Variants in SERGEF observed in about 807,000 individuals in gnomAD.
SERGEF encodes secretion regulating guanine nucleotide exchange factor, also known as secretion-regulating guanine nucleotide exchange factor.
Under a neutral mutation model 50.0 loss-of-function variants are expected in SERGEF, and 51 were observed. That is an observed-to-expected ratio of 1.02 (90% CI 0.81 to 1.29). The LOEUF (loss-of-function observed/expected upper bound fraction) is 1.29. SERGEF is among the 50% of genes most tolerant of loss of function. The probability of loss-of-function intolerance (pLI) is 0.00; values close to 1 mark genes in which losing one functional copy is unlikely to be tolerated. For synonymous variants in SERGEF, 205 were observed against 212.4 expected (o/e 0.97, Z 0.30); for missense variants, 521 against 557.0 (o/e 0.94, Z 0.65).
intron 8 of SERGEF, among the ~76,000 whole-genome samples, chr11:17,985,838 G>C (rs1853583273): frequency 6.6e-6 from 1 of 152,196 alleles, no homozygotes; most frequent in Admixed American, 6.5e-5. Flanking sequence ...CACTGGGGAT[G>C]TCCAGTATTG....
In SERGEF at chr11:17,829,562, T is replaced by C. The variant is rs543707088; in HGVS notation, c.1049-41149A>G. Among the ~76,000 whole-genome samples, 167 of 152,292 alleles carry C rather than the reference T, an allele frequency of 1.1e-3. 1 individual carries two copies. Among genetic ancestry groups the C allele is most frequent in the African/African-American group, 3.8e-3 (157 of 41,558 alleles). On this transcript the variant is annotated intron_variant, in intron 10 of 10. Coordinates refer to ENST00000265965, the MANE Select transcript of SERGEF (RefSeq NM_012139.4). ...GATTCTTTATGGGTAAGCAAAATAG[T>C]GATTATTTATCTAGTAAAATAACAG...
chr11:17,889,519 A>T (rs61882439), intron 9 of SERGEF, among the ~76,000 whole-genome samples: 22,824 of 152,202 alleles, frequency 0.15, 2,061 homozygotes, highest in Middle Eastern at 0.27. Flanking sequence ...AAAAATGTCA[A>T]TGTCATAAGA....
chr11:17,849,903 G>T (rs1455259243), intron 10 of SERGEF, among the ~76,000 whole-genome samples: 1 of 152,086 alleles, frequency 6.6e-6, no homozygotes, highest in South Asian at 2.1e-4. Context: ...TGTCATTTCA[G>T]TTCTATCTCT....
At chr11:17,940,435 C>T (rs956657184) in intron 9 of SERGEF, among the ~76,000 whole-genome samples, 1 of 152,008 alleles carries the variant, frequency 6.6e-6, no homozygotes, top group Admixed American at 6.6e-5. Context: ...AAAACAGAGA[C>T]AATAACATGT....
At chr11:17,912,624 C>A (rs1427513637) in intron 9 of SERGEF, among the ~76,000 whole-genome samples, 1 of 152,192 alleles carries the variant, frequency 6.6e-6, no homozygotes, top group African/African-American at 2.4e-5. Flanking sequence ...TCATTTTAAT[C>A]TTCGAATAAT....
Position 17,816,691 on chromosome 11 carries a change from A to C in SERGEF, c.1049-28278T>G, listed in dbSNP as rs139684576. ...CCTGGCCAGCCACCCCAAAGTGCTG[A>C]GGCGATCCTTGTCTTGGTATCCTGG... On this transcript the variant is annotated intron_variant, in intron 10 of 10. Transcript: ENST00000265965. 2.6e-3 allele frequency among the ~76,000 whole-genome samples: 401 copies of C among 152,298 alleles called. 1 individual carries two copies. The highest frequency in any genetic ancestry group is 9.4e-3 in the African/African-American group (391 of 41,562).
At chr11:18,006,120 T>C (rs991636814) in intron 3 of SERGEF, among the ~76,000 whole-genome samples, 1 of 152,236 alleles carries the variant, frequency 6.6e-6, no homozygotes, top group African/African-American at 2.4e-5. Context: ...TCCACAACTT[T>C]CCTTGACAAC....
chr11:17,936,462 A>G (rs1042073438), intron 9 of SERGEF, among the ~76,000 whole-genome samples: 2 of 152,246 alleles, frequency 1.3e-5, no homozygotes, highest in Admixed American at 6.5e-5. Flanking sequence ...AAGTAGCCCT[A>G]ATAATAACAC....
At chr11:17,960,509 T>G (rs528108447) in intron 8 of SERGEF, among the ~76,000 whole-genome samples, 1 of 152,196 alleles carries the variant, frequency 6.6e-6, no homozygotes, top group African/African-American at 2.4e-5. Context: ...CATAACCATG[T>G]GCGTTGTATA....
intron 5 of SERGEF, among the ~76,000 whole-genome samples, chr11:17,998,440 C>CAT (rs60861006): frequency 2.7e-4 from 9 of 33,744 alleles, no homozygotes; most frequent in South Asian, 1.3e-3. Flanking sequence ...TACATACATA[C>CAT]ATATATATAT....
intron 10 of SERGEF, among the ~76,000 whole-genome samples, chr11:17,868,488 G>A (rs763100797): frequency 2.0e-5 from 3 of 152,030 alleles, no homozygotes; most frequent in Non-Finnish European, 4.4e-5. Flanking sequence ...AAGTCTCTAG[G>A]GGGCTCCAAA....
intron 9 of SERGEF, chr11:17,918,575 C>G: frequency 3.4e-6 from 1 of 298,496 alleles, no homozygotes; most frequent in South Asian, 2.8e-5. Flanking sequence ...GTGAAAATGT[C>G]CCCATGACTT....
chr11:17,800,310 A>G (rs1368256493), intron 10 of SERGEF, among the ~76,000 whole-genome samples: 1 of 152,170 alleles, frequency 6.6e-6, no homozygotes, highest in Non-Finnish European at 1.5e-5. Context: ...TTGGCGCTCA[A>G]AGTGGGTGGT....
chr11:17,868,641 C>A (rs546994982), intron 10 of SERGEF, among the ~76,000 whole-genome samples: 2 of 152,198 alleles, frequency 1.3e-5, no homozygotes, highest in East Asian at 3.9e-4. Context: ...TGTATTAGTC[C>A]ATTTTCATGC....
At chr11:17,808,212 C>G (rs1005725638) in intron 10 of SERGEF, among the ~76,000 whole-genome samples, 1 of 152,166 alleles carries the variant, frequency 6.6e-6, no homozygotes, top group Non-Finnish European at 1.5e-5. Flanking sequence ...TGTATTAGTC[C>G]GTGCTTGTGT....
chr11:17,814,166 C>A (rs561739629), intron 10 of SERGEF, among the ~76,000 whole-genome samples: 1 of 152,220 alleles, frequency 6.6e-6, no homozygotes, highest in Non-Finnish European at 1.5e-5. Context: ...GTTGTTTGAT[C>A]AAACACTAGT....
intron 9 of SERGEF, among the ~76,000 whole-genome samples, chr11:17,927,898 AAGAAGAAAGAGTCTGTCAC>A (rs1372046440): frequency 1.3e-5 from 2 of 152,226 alleles, no homozygotes; most frequent in African/African-American, 2.4e-5. Context: ...AAGAAGCTGG[AAGAAGAAAGAGTCTGTCAC>A]AGGACTTTAC....
chr11:18,001,636 T>A (rs1853964161), intron 4 of SERGEF, among the ~76,000 whole-genome samples: 1 of 152,218 alleles, frequency 6.6e-6, no homozygotes, highest in Non-Finnish European at 1.5e-5. Flanking sequence ...AACTGTGACA[T>A]AATAAATGTT....
rs760914312 is a variant in SERGEF, at chr11:17,999,639, C to T, written c.508+858G>A. On this transcript the variant is annotated intron_variant, in intron 5 of 10. Coordinates refer to ENST00000265965, the MANE Select transcript of SERGEF (RefSeq NM_012139.4). ...GAGAGATAAAAGGGTCACCATTCTC[C>T]CACACGCCACCTCCCTGTCCCCCTC... 94 of 444,918 alleles carry T rather than the reference C, an allele frequency of 2.1e-4. 1 individual carries two copies. The highest frequency in any genetic ancestry group is 1.3e-4 in the Non-Finnish European group (28 of 221,616). The allele number at this position is 444,918 out of a possible 1,614,324, so 27.6% of individuals were successfully genotyped here. A position where few individuals can be genotyped will look rare whatever the true frequency, so the allele number is the denominator to read the frequency against.
Sources: gnomAD v4.1 joint callset for allele counts (sites outside exome capture counted in the v4.1 genomes callset) on GRCh38, gnomAD v4.1.1 for gene constraint, MANE v1.5 for transcripts, NCBI Gene and HGNC (gene_info 2026-07-23, HGNC 2026-07-21) for gene names.